The following RAD51B variants were observed in gnomAD, a reference collection of about 807,000 sequenced individuals.
RAD51B encodes the protein RAD51 paralog B, also known as DNA repair protein RAD51 homolog 2.
A neutral mutation model predicts 42.2 loss-of-function variants in RAD51B; 38 were observed. The ratio of observed to expected loss-of-function variants is 0.90; its 90% CI spans 0.70 to 1.18. The LOEUF (loss-of-function observed/expected upper bound fraction) is 1.18. RAD51B is among the 50% of genes most tolerant of loss of function. The pLI is 0.00. For synonymous variants in RAD51B, 154 were observed against 145.2 expected, an observed-to-expected ratio of 1.06 and a Z score of -0.43; for missense variants, 373 against 400.7, an observed-to-expected ratio of 0.93 and a Z score of 0.59.
intron 10 of RAD51B, chr14:68,541,399 C>T (rs950225838): frequency 8.0e-5 from 79 of 985,318 alleles, no homozygotes; most frequent in Non-Finnish European, 9.0e-5. Context: ...ATCTTATATG[C>T]ACAGTCCTCA....
intron 7 of RAD51B, among the ~76,000 whole-genome samples, chr14:67,927,721 G>GTGTGTA (rs1555416789): frequency 0.043 from 6,401 of 149,606 alleles, 330 homozygotes; most frequent in African/African-American, 0.13. Context: ...GTGTGTGTGT[G>GTGTGTA]TGTGTGTGTA....
At chr14:68,281,696 A>G (rs1351618783) in intron 7 of RAD51B, among the ~76,000 whole-genome samples, 1 of 152,230 alleles carries the variant, frequency 6.6e-6, no homozygotes, top group African/African-American at 2.4e-5. Context: ...ATTCTTATTA[A>G]TGATGTCATA....
intron 3 of RAD51B, among the ~76,000 whole-genome samples, chr14:67,831,042 A>AT (rs1339500621): frequency 5.0e-5 from 7 of 139,210 alleles, no homozygotes; most frequent in African/African-American, 1.3e-4. Context: ...TGCCCGGTTA[A>AT]TTTTTTATAT....
chr14:67,921,793 T>G (rs1595110429), intron 7 of RAD51B, among the ~76,000 whole-genome samples: 2 of 152,262 alleles, frequency 1.3e-5, no homozygotes, highest in Middle Eastern at 6.8e-3. Flanking sequence ...CTCCCCATGT[T>G]TGCATGGGTT....
intron 8 of RAD51B, among the ~76,000 whole-genome samples, chr14:68,293,224 T>G (rs56754314): frequency 2.8e-4 from 43 of 152,284 alleles, no homozygotes; most frequent in African/African-American, 9.9e-4. Flanking sequence ...ATAGTTTTTT[T>G]TGTTTGTTTC....
At chr14:68,029,652 A>G (rs574495440) in intron 7 of RAD51B, among the ~76,000 whole-genome samples, 6 of 152,216 alleles carry the variant, frequency 3.9e-5, no homozygotes, top group African/African-American at 1.4e-4. Context: ...AAAGTAATGC[A>G]TGACAGCTGG....
chr14:68,163,344 G>A (rs1184946058), intron 7 of RAD51B, among the ~76,000 whole-genome samples: 1 of 152,068 alleles, frequency 6.6e-6, no homozygotes, highest in Non-Finnish European at 1.5e-5. Context: ...CCTTTCTCTG[G>A]TTCTTTTTAA....
intron 8 of RAD51B, among the ~76,000 whole-genome samples, chr14:68,309,355 T>C (rs1451613351): frequency 6.6e-6 from 1 of 152,228 alleles, no homozygotes; most frequent in Non-Finnish European, 1.5e-5. Flanking sequence ...GCACTGGTAC[T>C]TGTAGTGAAA....
chr14:68,421,930 T>C (rs1199788183), intron 9 of RAD51B: 1 of 1,569,236 alleles, frequency 6.4e-7, no homozygotes, highest in Non-Finnish European at 8.8e-7. Context: ...TGCTTTAGGA[T>C]GAAGTTCTCA....
At chr14:68,066,291 T>G (rs1266637034) in intron 7 of RAD51B, among the ~76,000 whole-genome samples, 1 of 151,658 alleles carries the variant, frequency 6.6e-6, no homozygotes, top group Admixed American at 6.6e-5. Context: ...AAGAGTGTGT[T>G]TGAGTGTAAT....
intron 8 of RAD51B, among the ~76,000 whole-genome samples, chr14:68,362,707 G>A (rs2139917734): frequency 6.6e-6 from 1 of 152,176 alleles, no homozygotes; most frequent in African/African-American, 2.4e-5. Flanking sequence ...AAATTAGCCG[G>A]GCATGGTGGT....
At chr14:68,388,100 T>A (rs1340745287) in intron 8 of RAD51B, among the ~76,000 whole-genome samples, 126 of 137,466 alleles carry the variant, frequency 9.2e-4, no homozygotes, top group African/African-American at 3.3e-3. Context: ...ATATATTTTT[T>A]TTTTTTTTTA....
At chr14:68,097,516 A>G (rs2077216083) in intron 7 of RAD51B, among the ~76,000 whole-genome samples, 1 of 152,214 alleles carries the variant, frequency 6.6e-6, no homozygotes, top group African/African-American at 2.4e-5. Context: ...CCCAAACCAT[A>G]TACACAACAG....
At chr14:68,339,310 T>G (rs1468562515) in intron 8 of RAD51B, 2 of 910,504 alleles carry the variant, frequency 2.2e-6, no homozygotes, top group Non-Finnish European at 1.8e-6. Flanking sequence ...GGCACTTACA[T>G]CCACTTACAG....
rs1441368260 is a variant in RAD51B at position 68,648,072 on chromosome 14, T to TAC, written c.1037-2706_1037-2705dup. Among the ~76,000 whole-genome samples the TAC allele has an allele frequency of 7.9e-5, 9 of 113,416 alleles. 1 individual carries two copies. The highest frequency in any genetic ancestry group is 2.4e-4 in the East Asian group (1 of 4,138). 74.4% of individuals were successfully genotyped at this position (113,416 alleles called of 152,430 possible). ...ATAGATGTGTGTGTGTATATATATA[T>TAC]ACACGTATATATACGTGTGTGTATA... On this transcript the variant is annotated intron_variant, in intron 10 of 11. Transcript: ENST00000488612.
At chr14:68,106,240 T>A (rs1211145424) in intron 7 of RAD51B, among the ~76,000 whole-genome samples, 1 of 151,916 alleles carries the variant, frequency 6.6e-6, no homozygotes, top group East Asian at 1.9e-4. Flanking sequence ...CTTGACATAT[T>A]TGTGGGGTTC....
intron 7 of RAD51B, among the ~76,000 whole-genome samples, chr14:68,221,000 G>T (rs140174197): frequency 6.6e-6 from 1 of 152,110 alleles, no homozygotes; most frequent in Admixed American, 6.5e-5. Flanking sequence ...GCATGGTGGC[G>T]CACACCTGTA....
At chr14:68,635,142 C>T (rs936452364) in intron 10 of RAD51B, among the ~76,000 whole-genome samples, 2 of 152,152 alleles carry the variant, frequency 1.3e-5, no homozygotes, top group African/African-American at 4.8e-5. Context: ...GAATGGGGGC[C>T]TCTGAGTATC....
intron 7 of RAD51B, among the ~76,000 whole-genome samples, chr14:68,107,833 C>A (rs1170355128): frequency 6.6e-6 from 1 of 151,690 alleles, no homozygotes; most frequent in Non-Finnish European, 1.5e-5. Context: ...AATGTATGAT[C>A]TAAAACTATA....
Sources: gnomAD v4.1 joint callset for allele counts (sites outside exome capture counted in the v4.1 genomes callset) on GRCh38, gnomAD v4.1.1 for gene constraint, MANE v1.5 for transcripts, NCBI Gene and HGNC (gene_info 2026-07-23, HGNC 2026-07-21) for gene names.